The following CREB5 variants were observed in gnomAD, a reference collection of about 807,000 sequenced individuals.
The protein encoded by CREB5 is cAMP responsive element binding protein 5, also known as cyclic AMP-responsive element-binding protein 5.
Under a neutral mutation model 57.1 loss-of-function variants are expected in CREB5, and 19 were observed. That is an observed-to-expected ratio of 0.33 (90% confidence interval 0.23 to 0.49). The LOEUF is 0.49. Ranked by LOEUF, CREB5 falls within the 20% of genes least tolerant of loss-of-function variation. The probability of loss-of-function intolerance (pLI) is 0.99; values close to 1 mark genes in which losing one functional copy is unlikely to be tolerated. For synonymous variants in CREB5, 238 were observed against 238.3 expected (o/e 1.00, Z 0.01); for missense variants, 579 against 671.6 (o/e 0.86, Z 1.52).
intron 4 of CREB5, among the ~76,000 whole-genome samples, chr7:28,536,896 G>C (rs539350559): frequency 6.6e-6 from 1 of 152,312 alleles, no homozygotes; most frequent in African/African-American, 2.4e-5. Context: ...CCAGTAAGTG[G>C]AGAAGCCCAA....
chr7:28,559,765 A>G lies in CREB5; in HGVS notation c.292-10600A>G, dbSNP rs188534270. ...ATCTATCCAACCAATGGTAATTTATATAGTTCTGTGCCAGGCACTGAGCTA... is the reference window on the plus strand; with the variant it reads ...ATCTATCCAACCAATGGTAATTTATGTAGTTCTGTGCCAGGCACTGAGCTA... On this transcript the variant is annotated intron_variant, in intron 4 of 10. Transcript: ENST00000357727. 2.1e-4 allele frequency among the ~76,000 whole-genome samples: 32 copies of G among 152,372 alleles called. No individual in the cohort carries two copies. The East Asian group carries it at 5.2e-3, about 25-fold the overall frequency.
At chr7:28,735,308 C>T (rs1047394517) in intron 7 of CREB5, among the ~76,000 whole-genome samples, 11 of 152,018 alleles carry the variant, frequency 7.2e-5, no homozygotes, top group African/African-American at 2.2e-4. Flanking sequence ...TTTATCTAAC[C>T]AAGACTTTGA....
intron 5 of CREB5, among the ~76,000 whole-genome samples, chr7:28,685,592 A>G (rs1414919556): frequency 6.7e-6 from 1 of 149,488 alleles, no homozygotes; most frequent in Non-Finnish European, 1.5e-5. Flanking sequence ...CCAACCTGCC[A>G]TCTTTCACTC....
At chr7:28,666,892 C>A (rs1799847775) in intron 5 of CREB5, among the ~76,000 whole-genome samples, 1 of 151,644 alleles carries the variant, frequency 6.6e-6, no homozygotes, top group South Asian at 2.1e-4. Flanking sequence ...TATCATTATG[C>A]CACTGTACTC....
At chr7:28,365,024 C>A (rs1405876850) in intron 1 of CREB5, among the ~76,000 whole-genome samples, 1 of 152,168 alleles carries the variant, frequency 6.6e-6, no homozygotes, top group African/African-American at 2.4e-5. Flanking sequence ...CACCATTCAA[C>A]ACCCTGAATC....
At chr7:28,772,269 A>T (rs1243097811) in intron 7 of CREB5, among the ~76,000 whole-genome samples, 1 of 152,178 alleles carries the variant, frequency 6.6e-6, no homozygotes, top group African/African-American at 2.4e-5. Context: ...TAGTAGCCGA[A>T]AACCGCTGGA....
At chr7:28,406,251 A>T (rs1478159480) in intron 1 of CREB5, among the ~76,000 whole-genome samples, 1 of 152,216 alleles carries the variant, frequency 6.6e-6, no homozygotes, top group African/African-American at 2.4e-5. Flanking sequence ...AAATTCTTCC[A>T]TGGGAGTTGG....
chr7:28,398,977 A>G (rs1787392006), intron 1 of CREB5, among the ~76,000 whole-genome samples: 1 of 152,168 alleles, frequency 6.6e-6, no homozygotes, highest in Non-Finnish European at 1.5e-5. Flanking sequence ...TGGCCTCCCA[A>G]AATGCTGGGA....
intron 5 of CREB5, among the ~76,000 whole-genome samples, chr7:28,619,508 C>T (rs1797717665): frequency 6.6e-6 from 1 of 152,174 alleles, no homozygotes; most frequent in Non-Finnish European, 1.5e-5. Flanking sequence ...CTGAGACAGG[C>T]ACCATCCTCT....
chr7:28,306,895 A>G (rs574408798), intron 1 of CREB5, among the ~76,000 whole-genome samples: 63 of 152,354 alleles, frequency 4.1e-4, no homozygotes, highest in Non-Finnish European at 6.5e-4. Flanking sequence ...AAAGGTATTC[A>G]TGAATACATA....
At chr7:28,766,975 T>C (rs1038548701) in intron 7 of CREB5, among the ~76,000 whole-genome samples, 6 of 152,228 alleles carry the variant, frequency 3.9e-5, no homozygotes, top group Non-Finnish European at 5.9e-5. Context: ...AAACACAGAA[T>C]TGGACGCTAA....
chr7:28,537,868 A>G (rs748752121), intron 4 of CREB5, among the ~76,000 whole-genome samples: 3 of 152,212 alleles, frequency 2.0e-5, no homozygotes, highest in African/African-American at 4.8e-5. Flanking sequence ...ACCCACATAC[A>G]TACTAGCCTT....
At chr7:28,745,403 G>A (rs1804634141) in intron 7 of CREB5, among the ~76,000 whole-genome samples, 1 of 152,306 alleles carries the variant, frequency 6.6e-6, no homozygotes, top group East Asian at 1.9e-4. Context: ...TTATTTGGCT[G>A]CATTCTTAGC....
intron 4 of CREB5, among the ~76,000 whole-genome samples, chr7:28,517,719 G>A (rs565758252): frequency 1.4e-4 from 21 of 152,202 alleles, no homozygotes; most frequent in African/African-American, 2.6e-4. Flanking sequence ...AATATCTGTC[G>A]CAGGCTTCTC....
At chr7:28,497,379 A>G (rs780335391) in intron 3 of CREB5, among the ~76,000 whole-genome samples, 1 of 152,260 alleles carries the variant, frequency 6.6e-6, no homozygotes, top group Non-Finnish European at 1.5e-5. Flanking sequence ...TGTCCCTGCC[A>G]ATCACTGGCA....
rs1233149536 is a variant in CREB5 at position 28,560,871 on chromosome 7, T to TGCGC, written c.292-9492_292-9489dup. Among the ~76,000 whole-genome samples the TGCGC allele has an allele frequency of 8.3e-3, 317 of 37,986 alleles. 29 individuals carry two copies. The East Asian group carries it at 0.11, about 14-fold the overall frequency. 24.9% of individuals were successfully genotyped at this position (37,986 alleles called of 152,430 possible). Reference sequence around the variant, plus strand: ...GCGTGTGTGTGTGCGTGTGCCTGCGTGCGCGTGCGTGCGTGCGTGTGTGTG... The same window carrying TGCGC: ...GCGTGTGTGTGTGCGTGTGCCTGCGTGCGCGCGCGTGCGTGCGTGCGTGTGTGTG... On this transcript the variant is annotated intron_variant, in intron 4 of 10. Transcript: ENST00000357727.
In CREB5 at chr7:28,787,620, G is replaced by A. The variant is rs75763797; in HGVS notation, c.703-16579G>A. 5.1e-3 allele frequency among the ~76,000 whole-genome samples: 770 copies of A among 152,244 alleles called. 2 individuals carry two copies. The highest frequency in any genetic ancestry group is 8.3e-3 in the Non-Finnish European group (566 of 68,020). On this transcript the variant is annotated intron_variant, in intron 7 of 10. Transcript: ENST00000357727. ...TTTGCTCTGTTGCCGAGGCTAAAGCGCAGGCTGCACTGCAGCCTCGACCTC... is the reference window on the plus strand; with the variant it reads ...TTTGCTCTGTTGCCGAGGCTAAAGCACAGGCTGCACTGCAGCCTCGACCTC...
At chr7:28,443,431 A>T (rs976285517) in intron 1 of CREB5, among the ~76,000 whole-genome samples, 2 of 152,174 alleles carry the variant, frequency 1.3e-5, no homozygotes. Flanking sequence ...GGACACACTA[A>T]GTCTGTCTTC....
At chr7:28,631,062 C>T (rs1211328137) in intron 5 of CREB5, among the ~76,000 whole-genome samples, 1 of 152,204 alleles carries the variant, frequency 6.6e-6, no homozygotes, top group Non-Finnish European at 1.5e-5. Context: ...GGCTCAACCA[C>T]TACAGGGTAC....
Sources: gnomAD v4.1 joint callset for allele counts (sites outside exome capture counted in the v4.1 genomes callset) on GRCh38, gnomAD v4.1.1 for gene constraint, MANE v1.5 for transcripts, NCBI Gene and HGNC (gene_info 2026-07-23, HGNC 2026-07-21) for gene names.